Variants in PHACTR1 observed in about 807,000 individuals in gnomAD.
PHACTR1 encodes RPEL repeat containing 1.
Under a neutral mutation model 69.2 loss-of-function variants are expected in PHACTR1, and 16 were observed. That is an observed-to-expected ratio of 0.23 (90% CI 0.16 to 0.35). The LOEUF (loss-of-function observed/expected upper bound fraction) is 0.35. Among genes scored for constraint, PHACTR1 ranks in the 10% least tolerant of loss-of-function variants. The pLI is 1.00. For missense variants in PHACTR1, 510 were observed against 734.7 expected, an observed-to-expected ratio of 0.69 and a Z score of 3.54; for synonymous variants, 312 against 284.5, an observed-to-expected ratio of 1.10 and a Z score of -0.97.
In PHACTR1 at chr6:13,158,457, T is replaced by C. The variant is rs73723397; in HGVS notation, c.416-1747T>C. Reference sequence around the variant, plus strand: ...ATTTATGTCTCTATTTTAGGATTAATATGTTCTCTGTCAGCTCTACGTGAG... The same window carrying C: ...ATTTATGTCTCTATTTTAGGATTAACATGTTCTCTGTCAGCTCTACGTGAG... On this transcript the variant is annotated intron_variant, in intron 5 of 14. Coordinates refer to ENST00000332995, the MANE Select transcript of PHACTR1 (RefSeq NM_030948.6). Among the ~76,000 whole-genome samples the C allele has an allele frequency of 5.1e-3, 780 of 152,372 alleles. 9 individuals are homozygous for C. The highest frequency in any genetic ancestry group is 0.018 in the African/African-American group (732 of 41,580).
chr6:12,921,630 AGAGGGAGG>A (rs1283535039), intron 4 of PHACTR1, among the ~76,000 whole-genome samples: 3 of 84,678 alleles, frequency 3.5e-5, no homozygotes, highest in Admixed American at 1.6e-4. Context: ...GGGAGGAAGG[AGAGGGAGG>A]GAGGGAGGGA....
chr6:12,844,456 G>A (rs1779002032), intron 4 of PHACTR1, among the ~76,000 whole-genome samples: 1 of 151,858 alleles, frequency 6.6e-6, no homozygotes, highest in African/African-American at 2.4e-5. Context: ...AGCAACTATC[G>A]CACTGTGAGG....
chr6:12,800,435 C>T (rs1773559912), intron 4 of PHACTR1, among the ~76,000 whole-genome samples: 1 of 152,192 alleles, frequency 6.6e-6, no homozygotes, highest in African/African-American at 2.4e-5. Flanking sequence ...TCCTAGACTC[C>T]AGTTAAACGA....
At chr6:13,033,767 A>G (rs1161341598) in intron 4 of PHACTR1, among the ~76,000 whole-genome samples, 2 of 152,228 alleles carry the variant, frequency 1.3e-5, no homozygotes, top group Non-Finnish European at 2.9e-5. Context: ...TCAGTGCTAT[A>G]AAGATAGAAC....
At chr6:13,097,570 G>T (rs571561108) in intron 5 of PHACTR1, among the ~76,000 whole-genome samples, 35 of 152,270 alleles carry the variant, frequency 2.3e-4, no homozygotes, top group Non-Finnish European at 4.4e-4. Context: ...CTAATTTAAA[G>T]CCGAAGAATG....
At chr6:12,766,190 G>A (rs1040611393) in intron 4 of PHACTR1, among the ~76,000 whole-genome samples, 1 of 152,160 alleles carries the variant, frequency 6.6e-6, no homozygotes, top group African/African-American at 2.4e-5. Flanking sequence ...CACCTCAGAG[G>A]CTGTCCTTCA....
intron 4 of PHACTR1, among the ~76,000 whole-genome samples, chr6:12,985,541 A>AAAATATATATAT (rs1179784179): frequency 7.5e-6 from 1 of 132,768 alleles, no homozygotes; most frequent in African/African-American, 2.9e-5. Context: ...AAAAAAAAAA[A>AAAATATATATAT]ATATATATAT....
chr6:13,204,877 G>A (rs933759237), intron 7 of PHACTR1, among the ~76,000 whole-genome samples: 1 of 152,206 alleles, frequency 6.6e-6, no homozygotes, highest in Admixed American at 6.5e-5. Context: ...GCTGTTGGTG[G>A]ACTTGACCCT....
intron 4 of PHACTR1, among the ~76,000 whole-genome samples, chr6:12,996,198 A>G (rs1797393135): frequency 6.6e-6 from 1 of 152,152 alleles, no homozygotes; most frequent in Admixed American, 6.5e-5. Flanking sequence ...CCAAAGACTG[A>G]AAAAAGAAAT....
At chr6:12,728,826 C>A (rs1368474121) in intron 3 of PHACTR1, among the ~76,000 whole-genome samples, 1 of 152,080 alleles carries the variant, frequency 6.6e-6, no homozygotes, top group Non-Finnish European at 1.5e-5. Context: ...CACTTACAGA[C>A]CACTGCTTAG....
At chr6:13,173,706 C>T (rs149567651) in intron 6 of PHACTR1, among the ~76,000 whole-genome samples, 174 of 152,238 alleles carry the variant, frequency 1.1e-3, no homozygotes, top group African/African-American at 3.5e-3. Flanking sequence ...CTTGCTAAAA[C>T]GACACCTCTC....
At chr6:13,286,470 G>A (rs1194844507) in intron 14 of PHACTR1, among the ~76,000 whole-genome samples, 1 of 152,198 alleles carries the variant, frequency 6.6e-6, no homozygotes, top group African/African-American at 2.4e-5. Flanking sequence ...GGTCTGATAA[G>A]CACCAGACTA....
chr6:13,032,748 A>G (rs1010107028), intron 4 of PHACTR1, among the ~76,000 whole-genome samples: 2 of 151,904 alleles, frequency 1.3e-5, no homozygotes, highest in Non-Finnish European at 2.9e-5. Flanking sequence ...CACGAGGACT[A>G]TAGGCATGCA....
chr6:13,077,495 A>G (rs1227885003), intron 5 of PHACTR1, among the ~76,000 whole-genome samples: 6 of 152,188 alleles, frequency 3.9e-5, no homozygotes, highest in African/African-American at 1.4e-4. Context: ...GGCACAGATC[A>G]GAAGTGTGTT....
chr6:12,867,196 G>A (rs181521918), intron 4 of PHACTR1, among the ~76,000 whole-genome samples: 1 of 152,250 alleles, frequency 6.6e-6, no homozygotes, highest in East Asian at 1.9e-4. Flanking sequence ...CAGTTCAGAG[G>A]TCAAGACCAA....
chr6:12,852,912 G>A (rs980411785), intron 4 of PHACTR1, among the ~76,000 whole-genome samples: 11 of 152,086 alleles, frequency 7.2e-5, no homozygotes, highest in Admixed American at 1.3e-4. Flanking sequence ...ATTGACTCTC[G>A]GATCTGGTGA....
chr6:12,744,002 T>A (rs1765437278), intron 3 of PHACTR1, among the ~76,000 whole-genome samples: 1 of 152,176 alleles, frequency 6.6e-6, no homozygotes, highest in African/African-American at 2.4e-5. Flanking sequence ...ATTAAGAAAC[T>A]CACTCAAAAC....
At chr6:13,013,802 G>A (rs1407471562) in intron 4 of PHACTR1, among the ~76,000 whole-genome samples, 1 of 149,282 alleles carries the variant, frequency 6.7e-6, no homozygotes, top group African/African-American at 2.4e-5. Context: ...CGGGCGGGGC[G>A]GGGGCATGCT....
At chr6:12,819,191 G>A (rs971900938) in intron 4 of PHACTR1, among the ~76,000 whole-genome samples, 11 of 152,090 alleles carry the variant, frequency 7.2e-5, no homozygotes, top group Non-Finnish European at 1.2e-4. Context: ...TGAATTTTGC[G>A]GATTTTTGTA....
Sources: gnomAD v4.1 joint callset for allele counts (sites outside exome capture counted in the v4.1 genomes callset) on GRCh38, gnomAD v4.1.1 for gene constraint, MANE v1.5 for transcripts, NCBI Gene and HGNC (gene_info 2026-07-23, HGNC 2026-07-21) for gene names.